The following TENM1 variants were observed in gnomAD, a reference collection of about 807,000 sequenced individuals.
TENM1 encodes teneurin transmembrane protein 1.
A neutral mutation model predicts 174.8 loss-of-function variants in TENM1; 35 were observed. That is an observed-to-expected ratio of 0.20 (90% confidence interval 0.15 to 0.27). TENM1 has a LOEUF of 0.27. Ranked by LOEUF, TENM1 falls within the 10% of genes least tolerant of loss-of-function variation. The pLI is 1.00. For synonymous variants in TENM1, 781 were observed against 798.7 expected (o/e 0.98, Z 0.37); for missense variants, 1,633 against 2,130.1 (o/e 0.77, Z 4.59).
chrX:124,527,196 C>A (rs1196893983), intron 16 of TENM1, among the ~76,000 whole-genome samples: 1 of 111,848 alleles, frequency 8.9e-6, no homozygotes, highest in African/African-American at 3.3e-5. Flanking sequence ...AAACATTCAC[C>A]TTTCCTTTAG....
chrX:124,886,260 C>T (rs1363543596), intron 3 of TENM1, among the ~76,000 whole-genome samples: 1 of 109,627 alleles, frequency 9.1e-6, no homozygotes, highest in African/African-American at 3.3e-5. Flanking sequence ...AATAATATAT[C>T]AAGATCAACT....
chrX:125,199,380 C>G, the TENM1 span, among the ~76,000 whole-genome samples: 1 of 112,286 alleles, frequency 8.9e-6, no homozygotes, highest in Non-Finnish European at 1.9e-5. Context: ...GTAAGAACTT[C>G]ATAGGGGATT....
At chrX:125,014,901 A>G in the TENM1 span, among the ~76,000 whole-genome samples, 1 of 112,058 alleles carries the variant, frequency 8.9e-6, no homozygotes, top group African/African-American at 3.2e-5. Flanking sequence ...TTTTATGTAT[A>G]TCAAAAAGAG....
In TENM1 at chrX:124,906,562, C is replaced by T. The variant is rs755509976; in HGVS notation, c.218-10321G>A. Among the ~76,000 whole-genome samples, 17 of 111,296 alleles carry T rather than the reference C, an allele frequency of 1.5e-4. 1 individual carries two copies. In the South Asian group the frequency reaches 3.8e-3, roughly 25 times the overall value. ...TACCATATGATCTAACTATTCCAAC[C>T]CTCAATATTTACCAAAGATAAATAA... On this transcript the variant is annotated intron_variant, in intron 1 of 31. Transcript: ENST00000422452.
chrX:125,079,395 TGAA>T, the TENM1 span, among the ~76,000 whole-genome samples: 1 of 111,734 alleles, frequency 8.9e-6, no homozygotes, highest in South Asian at 3.7e-4. Context: ...AGACCTTTCT[TGAA>T]GAAGGAATAA....
intron 3 of TENM1, among the ~76,000 whole-genome samples, chrX:124,845,391 T>C (rs1371264564): frequency 3.6e-5 from 4 of 111,729 alleles, no homozygotes; most frequent in Admixed American, 9.5e-5. Context: ...AGGTCTCAGA[T>C]GATACAGATG....
At chrX:125,059,454 C>A in the TENM1 span, among the ~76,000 whole-genome samples, 3 of 110,536 alleles carry the variant, frequency 2.7e-5, no homozygotes, top group African/African-American at 6.6e-5. Flanking sequence ...GTTTTTGTAG[C>A]AAAAGTAGCT....
intron 3 of TENM1, among the ~76,000 whole-genome samples, chrX:124,785,966 C>T (rs1831492287): frequency 9.0e-6 from 1 of 111,525 alleles, no homozygotes; most frequent in African/African-American, 3.2e-5. Flanking sequence ...CCTCAAGTAG[C>T]GTTTATATAG....
chrX:125,106,744 T>C, the TENM1 span, among the ~76,000 whole-genome samples: 2 of 111,408 alleles, frequency 1.8e-5, no homozygotes, highest in African/African-American at 6.5e-5. Context: ...GTTAGGGATA[T>C]GAGAAATGGC....
the TENM1 span, among the ~76,000 whole-genome samples, chrX:125,106,675 C>T: frequency 8.9e-6 from 1 of 112,188 alleles, no homozygotes; most frequent in African/African-American, 3.2e-5. Context: ...TCCCAAAGTG[C>T]TGGGATCATA....
intron 17 of TENM1, 109 bp from the exon 21 acceptor site, chrX:124,520,893 T>C (rs775613759): frequency 1.4e-6 from 1 of 737,486 alleles, no homozygotes; most frequent in African/African-American, 2.2e-5. Flanking sequence ...AGGAGAGAGC[T>C]TAAACAGGTC....
Position 124,515,720 on chromosome X carries a change from C to T in TENM1, c.3301+4797G>A, listed in dbSNP as rs182498651. ...TAACATAAACAAACAGAAAAGCATT[C>T]CATGCTCATGGATAAGAAGCATCAA... On this transcript the variant is annotated intron_variant, in intron 18 of 31. Transcript: ENST00000422452. 1.3e-3 allele frequency among the ~76,000 whole-genome samples: 145 copies of T among 110,436 alleles called. 1 individual carries two copies. Among genetic ancestry groups the T allele is most frequent in the Middle Eastern group, 9.4e-3 (2 of 213 alleles).
At chrX:124,639,864 A>G (rs1260784203) in intron 11 of TENM1, among the ~76,000 whole-genome samples, 1 of 111,409 alleles carries the variant, frequency 9.0e-6, no homozygotes, top group East Asian at 2.8e-4. Context: ...TAAGTAAATT[A>G]ATAATCAAGT....
intron 27 of TENM1, among the ~76,000 whole-genome samples, chrX:124,404,694 G>A (rs951451512): frequency 4.5e-5 from 5 of 111,162 alleles, no homozygotes; most frequent in African/African-American, 1.3e-4. Flanking sequence ...CATCTCCAGG[G>A]CATGCTGGGA....
chrX:124,538,231 A>C (rs750767923), intron 15 of TENM1, among the ~76,000 whole-genome samples: 2 of 112,127 alleles, frequency 1.8e-5, no homozygotes, highest in Non-Finnish European at 3.8e-5. Context: ...TCCCATCTTC[A>C]GTAACACCTT....
intron 11 of TENM1, among the ~76,000 whole-genome samples, chrX:124,605,491 T>C (rs1267599196): frequency 3.6e-5 from 4 of 110,269 alleles, no homozygotes; most frequent in East Asian, 2.8e-4. Flanking sequence ...TAATCTCCAG[T>C]ATCTTTTTCC....
intron 3 of TENM1, among the ~76,000 whole-genome samples, chrX:124,799,410 T>A (rs930830178): frequency 4.5e-5 from 5 of 111,110 alleles, no homozygotes. Context: ...GTCCTTCACA[T>A]TCCTAGCTAG....
At chrX:125,172,973 T>A in the TENM1 span, among the ~76,000 whole-genome samples, 1 of 111,572 alleles carries the variant, frequency 9.0e-6, no homozygotes, top group Non-Finnish European at 1.9e-5. Context: ...GGTGCCGACA[T>A]CTGGCTTGAT....
the TENM1 span, among the ~76,000 whole-genome samples, chrX:125,138,172 C>G: frequency 9.0e-6 from 1 of 111,052 alleles, no homozygotes; most frequent in Non-Finnish European, 1.9e-5. Context: ...CATTGAGAAT[C>G]AATAATTAAA....
Sources: allele counts gnomAD v4.1 joint callset (sites outside exome capture counted in the v4.1 genomes callset), GRCh38; gene constraint gnomAD v4.1.1; transcripts MANE v1.5; gene names NCBI Gene and HGNC (gene_info 2026-07-23, HGNC 2026-07-21).